Variants in PITPNM3 observed in about 807,000 individuals in gnomAD.
PITPNM3 encodes membrane-associated phosphatidylinositol transfer protein 3.
In PITPNM3, 26 loss-of-function variants were observed where a neutral mutation model predicts 102.0. That is an observed-to-expected ratio of 0.25 (90% CI 0.19 to 0.35). The LOEUF (loss-of-function observed/expected upper bound fraction) is 0.35, where lower values mean the gene tolerates loss of function less well. Among genes scored for constraint, PITPNM3 ranks in the 10% least tolerant of loss-of-function variants. The pLI is 1.00. For missense variants in PITPNM3, 1,083 were observed against 1,346.1 expected (o/e 0.80, Z 3.06); for synonymous variants, 578 against 558.6 (o/e 1.03, Z -0.49).
chr17:6,550,993 G>A (rs1005536820), intron 1 of PITPNM3, among the ~76,000 whole-genome samples: 2 of 152,174 alleles, frequency 1.3e-5, no homozygotes, highest in African/African-American at 2.4e-5. Flanking sequence ...CACAGAGGTC[G>A]GCGTATTTGC....
chr17:6,523,277 T>A (rs1908647143), intron 3 of PITPNM3, among the ~76,000 whole-genome samples: 1 of 152,128 alleles, frequency 6.6e-6, no homozygotes, highest in Non-Finnish European at 1.5e-5. Context: ...GCAAATATCA[T>A]CTCATTTAAT....
At chr17:6,486,277 A>C (rs1489948010) in intron 4 of PITPNM3, among the ~76,000 whole-genome samples, 1 of 152,104 alleles carries the variant, frequency 6.6e-6, no homozygotes, top group Non-Finnish European at 1.5e-5. Context: ...CTCATCTCTT[A>C]AAGTCGTAGG....
chr17:6,471,500 GC>G (rs1300651861), intron 11 of PITPNM3, 145 bp from the exon 12 acceptor site: 2 of 821,386 alleles, frequency 2.4e-6, no homozygotes, highest in Non-Finnish European at 3.7e-6. Context: ...GCAGGCACCT[GC>G]CCCTCTCACT....
chr17:6,493,672 T>C (rs546348354), intron 4 of PITPNM3, among the ~76,000 whole-genome samples: 1 of 152,312 alleles, frequency 6.6e-6, no homozygotes, highest in East Asian at 1.9e-4. Flanking sequence ...AGGGTCAGAA[T>C]CTAATCACGT....
chr17:6,484,392 C>T, intron 4 of PITPNM3, 100 bp from the exon 5 acceptor site: 2 of 1,212,462 alleles, frequency 1.6e-6, no homozygotes, highest in Admixed American at 1.7e-5. Context: ...CCTTGGCTTA[C>T]ATCACAGGTG....
Position 6,455,344 on chromosome 17 carries a change from C to T in PITPNM3, c.2919G>A (p.Val973=). 2.5e-6 allele frequency: 4 copies of T among 1,576,640 alleles called. No individual in the cohort carries two copies. Among genetic ancestry groups the T allele is most frequent in the Non-Finnish European group, 3.4e-6 (4 of 1,163,352 alleles). The change falls in exon 20 of 20, where the codon GTG becomes GTA. Residue 973 remains valine, a synonymous_variant. Transcript: ENST00000262483. ...WARGPPKFES[V]P ...TCTGAGCACAGCCCACCCCTCAGGG[C>T]ACCGACTCGAACTTGGGGGGCCCAC...
intron 4 of PITPNM3, among the ~76,000 whole-genome samples, chr17:6,487,680 C>T (rs1023579831): frequency 6.6e-6 from 1 of 152,210 alleles, no homozygotes; most frequent in Admixed American, 6.5e-5. Context: ...TAGGTGGGGG[C>T]TGGACTCTGC....
intron 4 of PITPNM3, among the ~76,000 whole-genome samples, chr17:6,493,790 C>A (rs917411047): frequency 6.6e-6 from 1 of 152,208 alleles, no homozygotes; most frequent in Non-Finnish European, 1.5e-5. Flanking sequence ...CTGGCCCTTG[C>A]GAGGGCCTAT....
chr17:6,496,566 G>A (rs1906838174), intron 4 of PITPNM3, among the ~76,000 whole-genome samples: 1 of 152,030 alleles, frequency 6.6e-6, no homozygotes, highest in African/African-American at 2.4e-5. Context: ...TCTTTCCTGG[G>A]GTTAATCCTC....
rs972845298 is a variant in PITPNM3, at chr17:6,517,359, C to T, written c.226+7997G>A. 6.6e-6 allele frequency among the ~76,000 whole-genome samples: 1 copy of T among 152,100 alleles called. No homozygotes were observed. Among genetic ancestry groups the T allele is most frequent in the African/African-American group, 2.4e-5 (1 of 41,416 alleles). On this transcript the variant is annotated intron_variant, in intron 3 of 19. Coordinates refer to ENST00000262483, the MANE Select transcript of PITPNM3 (RefSeq NM_031220.4). This position sits in a 1 kb window ranked among gnomAD's most constrained non-coding sequence, Gnocchi z 4.1. ...ACCATGATGAGAAAACAAAACCCTC[C>T]CCAAAAGTAAAACAGCAAAACTAAT...
chr17:6,458,284 G>A lies in PITPNM3; in HGVS notation c.2491-562C>T, dbSNP rs1597358417. ...TCCCTCCCCTCCCCAGGATAAACCCGATCAAACTACCTCCTCCTGTGAGGT... is the reference window on the plus strand; with the variant it reads ...TCCCTCCCCTCCCCAGGATAAACCCAATCAAACTACCTCCTCCTGTGAGGT... On this transcript the variant is annotated intron_variant, in intron 18 of 19. Coordinates refer to ENST00000262483, the MANE Select transcript of PITPNM3 (RefSeq NM_031220.4). This position sits in a 1 kb window ranked among gnomAD's most constrained non-coding sequence, Gnocchi z 5.1. 6.6e-6 allele frequency among the ~76,000 whole-genome samples: 1 copy of A among 151,714 alleles called. No individual in the cohort carries two copies. The highest frequency in any genetic ancestry group is 2.1e-4 in the South Asian group (1 of 4,796).
rs772250392 is a variant in PITPNM3 at position 6,478,563 on chromosome 17, A to G, written c.761T>C (p.Ile254Thr). The change falls in exon 7 of 20, where the codon ATT becomes ACT. Residue 254 changes from isoleucine (I) to threonine (T), a missense_variant. This residue lies in a region of PITPNM3 where 290 missense variants were observed against 337.8 expected (regional missense o/e 0.86). Transcript: ENST00000262483. The surrounding 1 kb of genome is among the most constrained non-coding windows in gnomAD (Gnocchi z 4.4). ...YREFLKSSDG[I>T]GFSGQVCLIG... ...CTGTCCTACCTGCCCACTGAAGCCA[A>G]TCCCATCAGAGGACTTCAGGAACTC... 1.9e-6 allele frequency: 3 copies of G among 1,614,002 alleles called. No individual in the cohort carries two copies. Among genetic ancestry groups the G allele is most frequent in the Admixed American group, 3.3e-5 (2 of 60,014 alleles).
chr17:6,480,853 C>G (rs1028622395), intron 6 of PITPNM3: 1 of 152,290 alleles, frequency 6.6e-6, no homozygotes, highest in African/African-American at 2.4e-5. Context: ...GAGGGGAGCA[C>G]TGCAGCCCTC....
intron 3 of PITPNM3, among the ~76,000 whole-genome samples, chr17:6,523,125 T>C (rs996749823): frequency 6.6e-6 from 1 of 152,122 alleles, no homozygotes; most frequent in Non-Finnish European, 1.5e-5. Context: ...GAGGAAATAG[T>C]ACCAACCCTC....
At position 6,457,788 on chromosome 17, in the gene PITPNM3, C is replaced by G. The variant is rs1216010587; in HGVS notation, c.2491-66G>C. 1.3e-6 allele frequency: 2 copies of G among 1,546,174 alleles called. No homozygotes were observed. The highest frequency in any genetic ancestry group is 1.7e-6 in the Non-Finnish European group (2 of 1,145,630). On this transcript the variant is annotated intron_variant, in intron 18 of 19. Coordinates refer to ENST00000262483, the MANE Select transcript of PITPNM3 (RefSeq NM_031220.4). The surrounding 1 kb of genome is among the most constrained non-coding windows in gnomAD (Gnocchi z 4.7). ...CCACCCCCTGGAAAGCCTTCCCAGGCCAACCCCAGGGGGCCCCTGCTTGGG... is the reference window on the plus strand; with the variant it reads ...CCACCCCCTGGAAAGCCTTCCCAGGGCAACCCCAGGGGGCCCCTGCTTGGG...
rs897546755 is a variant in PITPNM3, at chr17:6,482,062, C to G, written c.587+1455G>C. Among the ~76,000 whole-genome samples, 32 of 119,954 alleles carry G rather than the reference C, an allele frequency of 2.7e-4. 1 individual carries two copies. The highest frequency in any genetic ancestry group is 4.6e-4 in the Non-Finnish European group (25 of 54,282). The allele number at this position is 119,954 out of a possible 152,430, so 78.7% of individuals were successfully genotyped here. On this transcript the variant is annotated intron_variant, in intron 6 of 19. Coordinates refer to ENST00000262483, the MANE Select transcript of PITPNM3 (RefSeq NM_031220.4). ...TCTGTCTCTCTCTCTCTCTCTCTCT[C>G]TCTGTCTCTCTCTCTCTCTCTCTCT...
At chr17:6,523,771 T>A (rs1174597270) in intron 3 of PITPNM3, among the ~76,000 whole-genome samples, 1 of 152,188 alleles carries the variant, frequency 6.6e-6, no homozygotes, top group African/African-American at 2.4e-5. Flanking sequence ...ACTGGTAAGT[T>A]GTCTCTGGAT....
intron 1 of PITPNM3, among the ~76,000 whole-genome samples, chr17:6,553,617 G>T (rs1426867471): frequency 6.6e-6 from 1 of 152,142 alleles, no homozygotes; most frequent in Non-Finnish European, 1.5e-5. Context: ...TTCTCTCCGT[G>T]GGTGATCTAC....
chr17:6,510,576 G>A (rs1907810468), intron 3 of PITPNM3, among the ~76,000 whole-genome samples: 1 of 152,248 alleles, frequency 6.6e-6, no homozygotes, highest in African/African-American at 2.4e-5. Context: ...TGTGTCCCCT[G>A]CAGTGACCAG....
Sources: gnomAD v4.1 joint callset for allele counts (sites outside exome capture counted in the v4.1 genomes callset) on GRCh38, gnomAD v4.1.1 for gene constraint, gnomAD v4.1.1 regional missense constraint, Gnocchi (gnomAD v3.1) non-coding constraint, MANE v1.5 for transcripts, NCBI Gene and HGNC (gene_info 2026-07-23, HGNC 2026-07-21) for gene names.